DLC1: variants seen among roughly 807,000 people sequenced by gnomAD.
The protein encoded by DLC1 is rho GTPase-activating protein 7.
A neutral mutation model predicts 140.3 loss-of-function variants in DLC1; 54 were observed. That is an observed-to-expected ratio of 0.38 (90% CI 0.31 to 0.48). The LOEUF is 0.48. DLC1 is among the 20% of genes least tolerant of loss of function. The pLI, the probability that DLC1 is intolerant of heterozygous loss-of-function variation, is 0.96. For missense variants in DLC1, 2,536 were observed against 1,907.0 expected (o/e 1.33, Z -6.14); for synonymous variants, 986 against 728.1 (o/e 1.35, Z -5.70).
At chr8:13,462,438 C>T (rs923498154) in intron 2 of DLC1, among the ~76,000 whole-genome samples, 3 of 144,694 alleles carry the variant, frequency 2.1e-5, no homozygotes, top group South Asian at 2.2e-4. Flanking sequence ...GGCTGGCTGG[C>T]GACAGCCCAG....
intron 4 of DLC1, chr8:13,341,815 A>T (rs1834067384): frequency 6.6e-6 from 1 of 152,190 alleles, no homozygotes; most frequent in African/African-American, 2.4e-5. Context: ...CCAAGAGCAG[A>T]TTGATTACAT....
intron 2 of DLC1, among the ~76,000 whole-genome samples, chr8:13,451,849 G>C (rs370588070): frequency 7.9e-5 from 12 of 152,142 alleles, no homozygotes; most frequent in African/African-American, 2.9e-4. Flanking sequence ...ATATCTGTTT[G>C]ATACATTAAT....
chr8:13,254,547 A>C (rs927536351), intron 5 of DLC1, among the ~76,000 whole-genome samples: 1 of 152,220 alleles, frequency 6.6e-6, no homozygotes, highest in African/African-American at 2.4e-5. Context: ...TTGCATAATA[A>C]ACCAAGCTAA....
chr8:13,562,393 TA>T (rs1804274283), intron 1 of DLC1, among the ~76,000 whole-genome samples: 1 of 151,930 alleles, frequency 6.6e-6, no homozygotes, highest in African/African-American at 2.4e-5. Context: ...AAAATTTATA[TA>T]AAAATAGGTA....
At chr8:13,421,087 C>G (rs920554114) in intron 2 of DLC1, among the ~76,000 whole-genome samples, 2 of 152,132 alleles carry the variant, frequency 1.3e-5, no homozygotes, top group Non-Finnish European at 2.9e-5. Flanking sequence ...TGTAATTCCT[C>G]GTTAATCTTT....
At chr8:13,257,439 GAAAAAAA>G (rs34452124) in intron 5 of DLC1, among the ~76,000 whole-genome samples, 4 of 104,468 alleles carry the variant, frequency 3.8e-5, no homozygotes, top group Non-Finnish European at 7.7e-5. Context: ...CCTGTCTCAG[GAAAAAAA>G]AAAAAAAAAA....
intron 1 of DLC1, among the ~76,000 whole-genome samples, chr8:13,524,607 C>G (rs1439376198): frequency 1.3e-5 from 2 of 152,078 alleles, no homozygotes; most frequent in Non-Finnish European, 2.9e-5. Context: ...CTCAATGAAA[C>G]ATGATACATC....
intron 5 of DLC1, among the ~76,000 whole-genome samples, chr8:13,163,883 C>T (rs1215551527): frequency 6.6e-6 from 1 of 152,062 alleles, no homozygotes; most frequent in Non-Finnish European, 1.5e-5. Flanking sequence ...GATGCATGCC[C>T]AGTCCGGGCT....
intron 2 of DLC1, among the ~76,000 whole-genome samples, chr8:13,427,855 G>A (rs935027927): frequency 2.0e-5 from 3 of 152,160 alleles, no homozygotes; most frequent in African/African-American, 7.2e-5. Flanking sequence ...GAAGCTCTGG[G>A]ATGCAGGAAT....
At chr8:13,309,927 T>A (rs1381717865) in intron 4 of DLC1, among the ~76,000 whole-genome samples, 2 of 152,222 alleles carry the variant, frequency 1.3e-5, no homozygotes, top group African/African-American at 4.8e-5. Context: ...ATTTTAGGAA[T>A]ATGTTTTTCT....
intron 1 of DLC1, among the ~76,000 whole-genome samples, chr8:13,532,303 T>C (rs955756382): frequency 1.3e-5 from 2 of 152,130 alleles, no homozygotes; most frequent in Non-Finnish European, 2.9e-5. Context: ...CCACAAATGC[T>C]AGAAGAGGCT....
At chr8:13,414,688 A>G (rs558044376) in intron 2 of DLC1, among the ~76,000 whole-genome samples, 36 of 152,378 alleles carry the variant, frequency 2.4e-4, no homozygotes, top group African/African-American at 8.4e-4. Context: ...CACATAAAAT[A>G]TAGTTAGAAG....
chr8:13,159,528 C>G (rs1410983298), intron 5 of DLC1, among the ~76,000 whole-genome samples: 1 of 152,192 alleles, frequency 6.6e-6, no homozygotes, highest in Admixed American at 6.5e-5. Context: ...TCTCATTCAA[C>G]ACCTCCTCTT....
intron 2 of DLC1, among the ~76,000 whole-genome samples, chr8:13,486,560 C>T (rs1800976235): frequency 6.6e-6 from 1 of 152,200 alleles, no homozygotes; most frequent in African/African-American, 2.4e-5. Flanking sequence ...CGACATACCA[C>T]TATTAACATT....
At chr8:13,349,961 C>G (rs986028609) in intron 4 of DLC1, among the ~76,000 whole-genome samples, 5 of 152,176 alleles carry the variant, frequency 3.3e-5, no homozygotes, top group Non-Finnish European at 7.4e-5. Flanking sequence ...CTGAGACCAG[C>G]TTTTCCATAC....
intron 1 of DLC1, among the ~76,000 whole-genome samples, chr8:13,526,039 T>C (rs542296049): frequency 6.6e-5 from 10 of 152,280 alleles, no homozygotes; most frequent in African/African-American, 1.4e-4. Flanking sequence ...TTTTTAAGTA[T>C]GGACATGCAA....
intron 5 of DLC1, among the ~76,000 whole-genome samples, chr8:13,261,459 G>A (rs779277569): frequency 1.3e-5 from 2 of 152,202 alleles, no homozygotes; most frequent in Non-Finnish European, 1.5e-5. Context: ...GAAAGATATT[G>A]GAGGGTTTTG....
chr8:13,504,983 A>G (rs758625539), intron 1 of DLC1, among the ~76,000 whole-genome samples: 4 of 152,096 alleles, frequency 2.6e-5, no homozygotes, highest in Non-Finnish European at 5.9e-5. Context: ...AGATGTCTCT[A>G]AAAAAAGGGA....
rs1429003278 is a variant in DLC1, at chr8:13,582,895, T to C, written c.-126+21642A>G. Among the ~76,000 whole-genome samples, 383 of 88,644 alleles carry C rather than the reference T, an allele frequency of 4.3e-3. 27 individuals carry two copies. Among genetic ancestry groups the C allele is most frequent in the East Asian group, 0.017 (65 of 3,844 alleles). 58.2% of individuals were successfully genotyped at this position (88,644 alleles called of 152,430 possible). On this transcript the variant is annotated intron_variant, in intron 1 of 1. Coordinates refer to the DLC1 transcript ENST00000631382. ...ACTGTGGTCTATATATATATATATA[T>C]ATATATATATATATATATATATATG...
Sources: allele counts gnomAD v4.1 joint callset (sites outside exome capture counted in the v4.1 genomes callset), GRCh38; gene constraint gnomAD v4.1.1; transcripts MANE v1.5; gene names NCBI Gene and HGNC (gene_info 2026-07-23, HGNC 2026-07-21).